Variants in GLB1L3 observed in about 807,000 individuals in gnomAD.
The protein encoded by GLB1L3 is beta-galactosidase-1-like protein 3.
Under a neutral mutation model 89.5 loss-of-function variants are expected in GLB1L3, and 89 were observed. The observed-to-expected ratio is 0.99, with a 90% confidence interval of 0.84 to 1.19. The LOEUF is 1.19. Ranked by LOEUF, GLB1L3 falls within the 50% of genes most tolerant of loss-of-function variation. The pLI is 0.00. For missense variants in GLB1L3, 812 were observed against 813.3 expected, an observed-to-expected ratio of 1.00 and a Z score of 0.02; for synonymous variants, 314 against 312.3, an observed-to-expected ratio of 1.01 and a Z score of -0.06.
chr11:134,308,533 TACCAC>T lies in GLB1L3; in HGVS notation c.962-1092_962-1088del, dbSNP rs1942504186. On this transcript the variant is annotated intron_variant, in intron 10 of 19. Coordinates refer to ENST00000431683, the MANE Select transcript of GLB1L3 (RefSeq NM_001080407.3). ...CCACCACCACCATGTCCACCACCAC[TACCAC>T]CACCATCACCATCACCATCACCACC... is the stretch of plus-strand genomic sequence containing the variant. 1.3e-4 allele frequency among the ~76,000 whole-genome samples: 3 copies of T among 23,340 alleles called. 1 individual carries two copies. The highest frequency in any genetic ancestry group is 2.9e-4 in the Non-Finnish European group (3 of 10,252). The allele number at this position is 23,340 out of a possible 152,430, so 15.3% of individuals were successfully genotyped here.
At chr11:134,277,247 C>A (rs1303324576) in intron 1 of GLB1L3, 79 bp from the exon 2 acceptor site, 2 of 1,597,332 alleles carry the variant, frequency 1.3e-6, no homozygotes, top group Non-Finnish European at 1.7e-6. Flanking sequence ...CTAAAGCGCC[C>A]CCGGCACAGC....
intron 9 of GLB1L3, among the ~76,000 whole-genome samples, chr11:134,306,222 A>G (rs1485495003): frequency 6.6e-6 from 1 of 152,240 alleles, no homozygotes; most frequent in Non-Finnish European, 1.5e-5. Context: ...GCATAGGATT[A>G]TAAAATATTG....
Position 134,313,961 on chromosome 11 carries a change from A to G in GLB1L3, c.1600A>G (p.Ile534Val). The change falls in exon 17 of 20, where the codon ATC becomes GTC. Residue 534 changes from isoleucine to valine, a missense_variant. By Grantham distance (29) the Ile-to-Val change is conservative. Transcript: ENST00000431683. ...EQKGITGSVS[I>V]NNSSLEGFTI... ...TGCAGGAATAACTGGATCTGTCAGC[A>G]TCAATAACTCTTCCCTGGAGGGCTT... 6.2e-7 allele frequency: 1 copy of G among 1,611,992 alleles called. No individual in the cohort carries two copies. Among genetic ancestry groups the G allele is most frequent in the Non-Finnish European group, 8.5e-7 (1 of 1,178,388 alleles).
intron 9 of GLB1L3, among the ~76,000 whole-genome samples, chr11:134,295,485 T>C (rs1480768850): frequency 6.6e-6 from 1 of 152,216 alleles, no homozygotes; most frequent in African/African-American, 2.4e-5. Context: ...AGTCCTAATA[T>C]TGCTAATTTT....
chr11:134,310,017 AC>A lies in GLB1L3; in HGVS notation c.1099+256del, dbSNP rs1942645290. Reference sequence around the variant, plus strand: ...CTGGTATACTGCCCTGTTGGCTTGAACCTCTGAAGAGAGGCAGGGTAGGAAC... The same window carrying A: ...CTGGTATACTGCCCTGTTGGCTTGAACTCTGAAGAGAGGCAGGGTAGGAAC... On this transcript the variant is annotated intron_variant, in intron 11 of 19. Transcript: ENST00000431683. 4 of 505,972 alleles carry A rather than the reference AC, an allele frequency of 7.9e-6. No homozygotes were observed. The South Asian group carries it at 1.1e-4, about 14-fold the overall frequency. The allele number at this position is 505,972 out of a possible 1,614,324, so 31.3% of individuals were successfully genotyped here.
At chr11:134,297,353 A>G (rs1415075618) in intron 9 of GLB1L3, among the ~76,000 whole-genome samples, 1 of 152,166 alleles carries the variant, frequency 6.6e-6, no homozygotes, top group Non-Finnish European at 1.5e-5. Flanking sequence ...TTTTAAGATA[A>G]TGTGGCTACA....
At position 134,276,646 on chromosome 11, in the gene GLB1L3, G is replaced by C; in HGVS notation, c.-95G>C. 1 of 1,173,596 alleles carries C rather than the reference G, an allele frequency of 8.5e-7. No individual in the cohort carries two copies. The highest frequency in any genetic ancestry group is 1.1e-6 in the Non-Finnish European group (1 of 906,074). 72.7% of individuals were successfully genotyped at this position (1,173,596 alleles called of 1,614,324 possible). ...CGCGCAGACCTGAGCCTGCCCCGCG[G>C]AACCGGGGCTCGAGTCCCGGCCCGA... On this transcript the variant is annotated 5_prime_UTR_variant, in exon 1 of 20. Transcript: ENST00000431683.
chr11:134,296,129 A>C (rs1488275262), intron 9 of GLB1L3, among the ~76,000 whole-genome samples: 2 of 152,104 alleles, frequency 1.3e-5, no homozygotes, highest in Non-Finnish European at 2.9e-5. Context: ...ATGCAAATCA[A>C]AACCACAATG....
chr11:134,301,575 A>C (rs1026598131), intron 9 of GLB1L3, among the ~76,000 whole-genome samples: 1 of 151,686 alleles, frequency 6.6e-6, no homozygotes, highest in Admixed American at 6.6e-5. Flanking sequence ...ATTTTTTTTT[A>C]AGTTGTCTCT....
intron 7 of GLB1L3, 33 bp downstream of exon 7, chr11:134,288,923 A>C (rs10894794): frequency 0.2 from 284,815 of 1,443,280 alleles, 29,170 homozygotes; most frequent in South Asian, 0.31. Flanking sequence ...CCATGTTTAC[A>C]TGCCTCCTTC....
chr11:134,308,380 T>C (rs62647608), intron 10 of GLB1L3, among the ~76,000 whole-genome samples: 87 of 17,494 alleles, frequency 5.0e-3, no homozygotes, highest in Admixed American at 9.0e-3. Flanking sequence ...ACCACCACCA[T>C]CACCACCATC....
downstream of GLB1L3, among the ~76,000 whole-genome samples, chr11:134,323,376 T>TGC (rs775499372): frequency 1.9e-4 from 20 of 106,072 alleles, no homozygotes; most frequent in African/African-American, 6.6e-4. Flanking sequence ...CACACATGCG[T>TGC]GCGCACACAC....
chr11:134,307,528 C>T (rs890680591), intron 10 of GLB1L3, among the ~76,000 whole-genome samples: 1 of 152,136 alleles, frequency 6.6e-6, no homozygotes, highest in African/African-American at 2.4e-5. Context: ...GAAAGACCTG[C>T]GCAGGTAAGG....
At chr11:134,278,281 A>G (rs934555624) in intron 3 of GLB1L3, among the ~76,000 whole-genome samples, 11 of 152,164 alleles carry the variant, frequency 7.2e-5, no homozygotes, top group Non-Finnish European at 2.9e-5. Context: ...TAAAACAAAA[A>G]AAAATTTTTT....
intron 6 of GLB1L3, among the ~76,000 whole-genome samples, chr11:134,287,729 G>A (rs935378311): frequency 3.2e-4 from 49 of 152,276 alleles, no homozygotes; most frequent in African/African-American, 1.1e-3. Flanking sequence ...GTCCACTCGG[G>A]GGGCAGGCGT....
intron 7 of GLB1L3, 177 bp downstream of exon 7, chr11:134,289,067 C>T (rs1941190204): frequency 3.8e-6 from 2 of 522,338 alleles, no homozygotes; most frequent in Non-Finnish European, 6.8e-6. Flanking sequence ...TTGCGTATAA[C>T]TTTTGACTCC....
At chr11:134,297,859 CAAAAAAAA>C (rs34354899) in intron 9 of GLB1L3, among the ~76,000 whole-genome samples, 2 of 100,990 alleles carry the variant, frequency 2.0e-5, no homozygotes, top group Admixed American at 2.1e-4. Context: ...GACTCTGTCT[CAAAAAAAA>C]AAAAAAAAAA....
chr11:134,292,376 G>A, intron 8 of GLB1L3, 163 bp downstream of exon 8: 3 of 584,378 alleles, frequency 5.1e-6, no homozygotes, highest in Admixed American at 2.9e-5. Flanking sequence ...AGGACTCAAG[G>A]TTAAGGCTCA....
chr11:134,288,943 GCGTT>G, intron 7 of GLB1L3, 53 bp downstream of exon 7: 1 of 1,250,386 alleles, frequency 8.0e-7, no homozygotes, highest in Non-Finnish European at 1.1e-6. Flanking sequence ...CCTCCTCTGT[GCGTT>G]TCTGATTCCT....
Sources: gnomAD v4.1 joint callset for allele counts (sites outside exome capture counted in the v4.1 genomes callset) on GRCh38, gnomAD v4.1.1 for gene constraint, MANE v1.5 for transcripts, NCBI Gene and HGNC (gene_info 2026-07-23, HGNC 2026-07-21) for gene names.